Variants in PTPRR observed in about 807,000 individuals in gnomAD.
The protein encoded by PTPRR is protein tyrosine phosphatase receptor type R, also known as receptor-type tyrosine-protein phosphatase R.
PTPRR carries 38 observed loss-of-function variants against 77.2 expected under a neutral mutation model. The ratio of observed to expected loss-of-function variants is 0.49; its 90% confidence interval spans 0.38 to 0.65. PTPRR has a LOEUF of 0.65. Among genes scored for constraint, PTPRR ranks in the 30% least tolerant of loss-of-function variants. PTPRR has a pLI of 0.00. For missense variants in PTPRR, 744 were observed against 799.2 expected, an observed-to-expected ratio of 0.93 and a Z score of 0.83; for synonymous variants, 299 against 283.1, an observed-to-expected ratio of 1.06 and a Z score of -0.57.
chr12:70,683,127 C>G (rs1592669277), intron 10 of PTPRR, among the ~76,000 whole-genome samples: 1 of 152,122 alleles, frequency 6.6e-6, no homozygotes, highest in African/African-American at 2.4e-5. Context: ...TGTCCATTAG[C>G]AGCAGGATTA....
At chr12:70,870,021 G>T (rs897237721) in intron 2 of PTPRR, among the ~76,000 whole-genome samples, 2 of 152,144 alleles carry the variant, frequency 1.3e-5, no homozygotes, top group East Asian at 1.9e-4. Context: ...TGGGAGGGGA[G>T]AGTCAAAGAG....
chr12:70,786,083 C>T (rs1431232524), intron 2 of PTPRR, among the ~76,000 whole-genome samples: 1 of 152,146 alleles, frequency 6.6e-6, no homozygotes, highest in Admixed American at 6.5e-5. Flanking sequence ...AGGCAGAAAC[C>T]CTGTGTGGCC....
chr12:70,823,601 G>A (rs759370301), intron 2 of PTPRR, among the ~76,000 whole-genome samples: 1 of 152,248 alleles, frequency 6.6e-6, no homozygotes, highest in Non-Finnish European at 1.5e-5. Context: ...TCTTGGCTTA[G>A]CTTGGAGCTC....
chr12:70,898,256 G>A (rs888079728), intron 1 of PTPRR, among the ~76,000 whole-genome samples: 1 of 148,546 alleles, frequency 6.7e-6, no homozygotes, highest in Non-Finnish European at 1.5e-5. Context: ...CCTAGTAAAT[G>A]AGTATAGGGA....
intron 2 of PTPRR, among the ~76,000 whole-genome samples, chr12:70,831,838 C>T (rs1395836886): frequency 6.6e-6 from 1 of 152,154 alleles, no homozygotes; most frequent in Non-Finnish European, 1.5e-5. Context: ...TTCTTAAGGT[C>T]AGAAAGTCTG....
At chr12:70,675,588 C>A (rs1013586533) in intron 10 of PTPRR, among the ~76,000 whole-genome samples, 1 of 151,910 alleles carries the variant, frequency 6.6e-6, no homozygotes, top group Non-Finnish European at 1.5e-5. Context: ...TATCATTATC[C>A]AGTATTTTAG....
chr12:70,876,102 A>AT (rs1452271434), intron 2 of PTPRR, among the ~76,000 whole-genome samples: 1 of 152,148 alleles, frequency 6.6e-6, no homozygotes, highest in Non-Finnish European at 1.5e-5. Flanking sequence ...AAAAATAATA[A>AT]TTTGGTAATT....
intron 1 of PTPRR, among the ~76,000 whole-genome samples, chr12:70,917,307 G>A (rs1445064818): frequency 2.0e-5 from 3 of 152,106 alleles, no homozygotes; most frequent in African/African-American, 4.8e-5. Flanking sequence ...CTTAATCAAT[G>A]GTGGCCTCAC....
intron 4 of PTPRR, among the ~76,000 whole-genome samples, chr12:70,756,662 G>A (rs1890571272): frequency 6.6e-6 from 1 of 151,922 alleles, no homozygotes; most frequent in Admixed American, 6.6e-5. Flanking sequence ...GAAGCTGATG[G>A]GTTTTGTTCT....
intron 5 of PTPRR, among the ~76,000 whole-genome samples, chr12:70,747,251 A>G (rs910772445): frequency 6.6e-6 from 1 of 152,238 alleles, no homozygotes; most frequent in Non-Finnish European, 1.5e-5. Context: ...CAGATGATAC[A>G]TATATTTTAG....
intron 2 of PTPRR, among the ~76,000 whole-genome samples, chr12:70,784,066 G>A (rs894407124): frequency 5.5e-5 from 7 of 127,744 alleles, no homozygotes; most frequent in African/African-American, 2.1e-4. Context: ...CTGGGTCTGC[G>A]GTTTGGGTGG....
intron 4 of PTPRR, 95 bp downstream of exon 4, chr12:70,761,376 T>A: frequency 8.5e-7 from 1 of 1,177,272 alleles, no homozygotes. Flanking sequence ...TAACATACAA[T>A]AAACAACTTC....
intron 4 of PTPRR, among the ~76,000 whole-genome samples, chr12:70,758,641 G>A (rs144235203): frequency 1.5e-4 from 23 of 152,112 alleles, no homozygotes; most frequent in Non-Finnish European, 2.8e-4. Flanking sequence ...GTGCACAAGC[G>A]GAACTGCTTC....
At chr12:70,745,488 G>C (rs908835767) in intron 6 of PTPRR, among the ~76,000 whole-genome samples, 22 of 151,542 alleles carry the variant, frequency 1.5e-4, no homozygotes, top group African/African-American at 5.4e-4. Flanking sequence ...CTACCTACCA[G>C]AGTTTCATGA....
At chr12:70,804,253 T>C (rs1364914859) in intron 2 of PTPRR, among the ~76,000 whole-genome samples, 2 of 151,892 alleles carry the variant, frequency 1.3e-5, no homozygotes, top group African/African-American at 2.4e-5. Context: ...GGCTATTTTC[T>C]TTACCATTTG....
chr12:70,896,358 GAAC>G (rs1347640520), intron 1 of PTPRR, among the ~76,000 whole-genome samples: 1 of 151,508 alleles, frequency 6.6e-6, no homozygotes, highest in African/African-American at 2.4e-5. Context: ...GGTTGTAAAA[GAAC>G]ACCACCATCA....
chr12:70,681,022 T>C (rs748068402), intron 10 of PTPRR, among the ~76,000 whole-genome samples: 1 of 152,272 alleles, frequency 6.6e-6, no homozygotes, highest in Non-Finnish European at 1.5e-5. Context: ...AGGTGCTATA[T>C]GGGCTTCATG....
chr12:70,883,645 T>TA (rs1893186774), intron 2 of PTPRR, among the ~76,000 whole-genome samples: 1 of 152,192 alleles, frequency 6.6e-6, no homozygotes, highest in Admixed American at 6.5e-5. Context: ...TGAGTTTTTT[T>TA]AAATGTCAGT....
chr12:70,746,126 C>A (rs1890208598), intron 5 of PTPRR, 40 bp from the exon 6 acceptor site: 1 of 1,564,020 alleles, frequency 6.4e-7, no homozygotes, highest in South Asian at 1.2e-5. Context: ...CACATTTTCT[C>A]ACACTAAACA....
Sources: gnomAD v4.1 joint callset for allele counts (sites outside exome capture counted in the v4.1 genomes callset) on GRCh38, gnomAD v4.1.1 for gene constraint, MANE v1.5 for transcripts, NCBI Gene and HGNC (gene_info 2026-07-23, HGNC 2026-07-21) for gene names.